The following GSE1 variants were observed in gnomAD, a reference collection of about 807,000 sequenced individuals.
The protein encoded by GSE1 is genetic suppressor element 1.
In GSE1, 32 loss-of-function variants were observed where a neutral mutation model predicts 112.6. That is an observed-to-expected ratio of 0.28 (90% CI 0.21 to 0.38). The LOEUF (loss-of-function observed/expected upper bound fraction) is 0.38, where lower values mean the gene tolerates loss of function less well. Ranked by LOEUF, GSE1 falls within the 10% of genes least tolerant of loss-of-function variation. The pLI, the probability that GSE1 is intolerant of heterozygous loss-of-function variation, is 1.00. For missense variants in GSE1, 2,348 were observed against 1,699.2 expected, an observed-to-expected ratio of 1.38 and a Z score of -6.71; for synonymous variants, 1,115 against 735.6, an observed-to-expected ratio of 1.52 and a Z score of -8.35.
At chr16:85,226,758 GGTGT>G (rs55999145) in intron 1 of GSE1, among the ~76,000 whole-genome samples, 14,536 of 104,524 alleles carry the variant, frequency 0.14, 1,280 homozygotes, top group Middle Eastern at 0.17. Flanking sequence ...TGCCTGGACT[GGTGT>G]GTGTGTGTGT....
chr16:85,223,165 TAC>T (rs886733820), intron 1 of GSE1, among the ~76,000 whole-genome samples: 4 of 152,232 alleles, frequency 2.6e-5, no homozygotes, highest in African/African-American at 9.6e-5. Context: ...TTATAAATCC[TAC>T]ACGCTCCTGA....
At position 85,636,441 on chromosome 16, in the gene GSE1, C is replaced by T. The variant is rs538026445; in HGVS notation, c.226+2309C>T. Among the ~76,000 whole-genome samples, 3 of 152,318 alleles carry T rather than the reference C, an allele frequency of 2.0e-5. No individual in the cohort carries two copies. The East Asian group carries it at 5.8e-4, about 29-fold the overall frequency. ...CTCCAGCTGGTCACCCCTGTCAGGCCTTGGTCTGGATGGGGAGGGACTGGG... is the reference window on the plus strand; with the variant it reads ...CTCCAGCTGGTCACCCCTGTCAGGCTTTGGTCTGGATGGGGAGGGACTGGG... On this transcript the variant is annotated intron_variant, in intron 2 of 15. Transcript: ENST00000253458.
At chr16:85,442,177 C>G (rs1330185875) in intron 2 of GSE1, among the ~76,000 whole-genome samples, 3 of 152,218 alleles carry the variant, frequency 2.0e-5, no homozygotes, top group Non-Finnish European at 4.4e-5. Flanking sequence ...CAGGCCTCAG[C>G]TCAGGTATCA....
chr16:85,552,328 C>CATTTTT (rs2044961120), upstream of GSE1, among the ~76,000 whole-genome samples: 1 of 47,746 alleles, frequency 2.1e-5, no homozygotes, highest in South Asian at 1.0e-3. Flanking sequence ...CCCGCCCCTC[C>CATTTTT]TTTTTTTTTT....
intron 1 of GSE1, among the ~76,000 whole-genome samples, chr16:85,624,748 G>C (rs2048957962): frequency 6.6e-6 from 1 of 152,198 alleles, no homozygotes; most frequent in South Asian, 2.1e-4. Flanking sequence ...GGTGGAGAGA[G>C]GCGCCTGGGC....
intron 1 of GSE1, among the ~76,000 whole-genome samples, chr16:85,269,987 G>A (rs965455412): frequency 6.7e-6 from 1 of 149,554 alleles, no homozygotes; most frequent in African/African-American, 2.4e-5. Context: ...GAGGCTGAGA[G>A]AAGGTGAGTG....
chr16:85,430,632 G>A (rs1457211248), intron 2 of GSE1, among the ~76,000 whole-genome samples: 1 of 152,232 alleles, frequency 6.6e-6, no homozygotes, highest in East Asian at 1.9e-4. Flanking sequence ...GCATGGAACG[G>A]GGACGCCTGG....
intron 2 of GSE1, among the ~76,000 whole-genome samples, chr16:85,386,153 G>A (rs1359084726): frequency 6.6e-6 from 1 of 152,196 alleles, no homozygotes; most frequent in South Asian, 2.1e-4. Context: ...TAAATATGGT[G>A]GTTCAGGTGG....
intron 1 of GSE1, among the ~76,000 whole-genome samples, chr16:85,605,847 C>A (rs1301962547): frequency 6.6e-6 from 1 of 151,906 alleles, no homozygotes; most frequent in African/African-American, 2.4e-5. Context: ...CCTCAAACAG[C>A]AGGCTGGGCT....
intron 1 of GSE1, among the ~76,000 whole-genome samples, chr16:85,218,598 T>C (rs565635028): frequency 6.6e-6 from 1 of 152,322 alleles, no homozygotes; most frequent in African/African-American, 2.4e-5. Flanking sequence ...CCCAAACTGC[T>C]TTCTGCCTCT....
At chr16:85,586,963 C>T (rs2046728425) in intron 1 of GSE1, among the ~76,000 whole-genome samples, 1 of 152,242 alleles carries the variant, frequency 6.6e-6, no homozygotes, top group Non-Finnish European at 1.5e-5. Flanking sequence ...GTTTTGATTG[C>T]ACTACCATGG....
At chr16:85,206,215 C>T (rs192932259) in intron 1 of GSE1, among the ~76,000 whole-genome samples, 41 of 151,256 alleles carry the variant, frequency 2.7e-4, no homozygotes, top group East Asian at 5.9e-4. Context: ...GTGCAAAGGG[C>T]GCCGGGTGTG....
At chr16:85,173,462 A>T (rs962416015) in intron 1 of GSE1, among the ~76,000 whole-genome samples, 1 of 152,192 alleles carries the variant, frequency 6.6e-6, no homozygotes, top group African/African-American at 2.4e-5. Flanking sequence ...AGAGGGTCAG[A>T]TGCTTGACAT....
At chr16:85,465,851 T>C (rs2050107662) in intron 2 of GSE1, among the ~76,000 whole-genome samples, 1 of 152,258 alleles carries the variant, frequency 6.6e-6, no homozygotes, top group South Asian at 2.1e-4. Context: ...ATGTTTGTCA[T>C]ATGACTAGAG....
At chr16:85,267,793 G>A (rs971867933) in intron 1 of GSE1, among the ~76,000 whole-genome samples, 4 of 152,232 alleles carry the variant, frequency 2.6e-5, no homozygotes, top group South Asian at 4.1e-4. Flanking sequence ...GCACTGTATC[G>A]ATATGCTCTT....
chr16:85,349,859 C>G (rs908097398), intron 1 of GSE1, among the ~76,000 whole-genome samples: 10 of 152,210 alleles, frequency 6.6e-5, no homozygotes, highest in African/African-American at 2.2e-4. Flanking sequence ...CAGCACAAAC[C>G]TACTTGCCCC....
chr16:85,393,120 T>C (rs1031557093), intron 2 of GSE1, among the ~76,000 whole-genome samples: 11 of 152,140 alleles, frequency 7.2e-5, no homozygotes, highest in African/African-American at 2.7e-4. Context: ...GAAGAGAAAC[T>C]GCGCTGGGCA....
chr16:85,255,573 G>A (rs959983246), intron 1 of GSE1, among the ~76,000 whole-genome samples: 6 of 151,976 alleles, frequency 3.9e-5, no homozygotes, highest in African/African-American at 9.7e-5. Context: ...CACCACACCC[G>A]GCTAATTTTT....
chr16:85,492,993 G>T (rs766094873), intron 2 of GSE1, among the ~76,000 whole-genome samples: 2 of 152,200 alleles, frequency 1.3e-5, no homozygotes, highest in Non-Finnish European at 2.9e-5. Flanking sequence ...GTGGGAATGC[G>T]CACTAAAAGA....
Sources: allele counts gnomAD v4.1 joint callset (sites outside exome capture counted in the v4.1 genomes callset), GRCh38; gene constraint gnomAD v4.1.1; transcripts MANE v1.5; gene names NCBI Gene and HGNC (gene_info 2026-07-23, HGNC 2026-07-21).